SEMA3A: variants seen among roughly 807,000 people sequenced by gnomAD.
SEMA3A encodes semaphorin 3A, also known as semaphorin-3A.
In SEMA3A, 29 loss-of-function variants were observed where a neutral mutation model predicts 97.9. The ratio of observed to expected loss-of-function variants is 0.30; its 90% CI spans 0.22 to 0.40. The LOEUF (loss-of-function observed/expected upper bound fraction) is 0.40, where lower values mean the gene tolerates loss of function less well. Among genes scored for constraint, SEMA3A ranks in the 10% least tolerant of loss-of-function variants. The pLI is 1.00. For synonymous variants in SEMA3A, 321 were observed against 323.7 expected (o/e 0.99, Z 0.09); for missense variants, 763 against 951.3 (o/e 0.80, Z 2.60).
intron 3 of SEMA3A, among the ~76,000 whole-genome samples, chr7:84,290,740 C>G (rs1800721058): frequency 6.6e-6 from 1 of 152,056 alleles, no homozygotes; most frequent in South Asian, 2.1e-4. Context: ...ATGTACTAAA[C>G]TTCAAGTAAA....
chr7:84,044,208 A>G (rs182633013), intron 6 of SEMA3A, among the ~76,000 whole-genome samples: 32 of 152,046 alleles, frequency 2.1e-4, no homozygotes, highest in Admixed American at 1.8e-3. Flanking sequence ...GCCTCTGCAC[A>G]CATCCTAGGT....
chr7:84,238,470 G>A lies in SEMA3A; in HGVS notation c.-82-43802C>T, dbSNP rs1359452886. Among the ~76,000 whole-genome samples, 5 of 152,000 alleles carry A rather than the reference G, an allele frequency of 3.3e-5. No homozygotes were observed. In the East Asian group the frequency reaches 7.7e-4, roughly 23 times the overall value. ...TAATTTTTATTCATGTATTTAAATC[G>A]GCTTCCTCCAAACTTGTGGTTTAAA... On this transcript the variant is annotated intron_variant, in intron 3 of 3. Transcript: ENST00000424555.
At chr7:84,124,729 C>T (rs1795738714) in intron 3 of SEMA3A, among the ~76,000 whole-genome samples, 1 of 151,804 alleles carries the variant, frequency 6.6e-6, no homozygotes, top group Non-Finnish European at 1.5e-5. Context: ...CCCAGGGATC[C>T]ATCCAATAGC....
intron 6 of SEMA3A, among the ~76,000 whole-genome samples, chr7:84,030,787 CTAACA>C (rs1411317049): frequency 1.3e-5 from 2 of 152,136 alleles, no homozygotes; most frequent in Non-Finnish European, 2.9e-5. Context: ...CTTCTCCTAG[CTAACA>C]TATTTAAATT....
chr7:84,418,433 G>T (rs767519306), intron 1 of SEMA3A, among the ~76,000 whole-genome samples: 12 of 151,942 alleles, frequency 7.9e-5, no homozygotes, highest in Non-Finnish European at 1.0e-4. Flanking sequence ...CTCCCACCAG[G>T]TCCCACCCAC....
Position 84,253,789 on chromosome 7 carries a change from C to T in SEMA3A, c.-83+53418G>A, listed in dbSNP as rs542254957. ...AGAGGAAGTTGACACAACTAAGAAT[C>T]TCTGGGCAGCATTAGGACCTGGTTG... is the stretch of plus-strand genomic sequence containing the variant. On this transcript the variant is annotated intron_variant, in intron 3 of 3. Transcript: ENST00000424555. 1.1e-3 allele frequency among the ~76,000 whole-genome samples: 169 copies of T among 152,198 alleles called. 1 individual carries two copies. Among genetic ancestry groups the T allele is most frequent in the African/African-American group, 3.9e-3 (162 of 41,536 alleles).
rs562808557 is a variant in SEMA3A at position 84,047,356 on chromosome 7, A to G, written c.548-913T>C. On this transcript the variant is annotated intron_variant, in intron 5 of 16. Transcript: ENST00000265362. ...AGTCGGCACTGGCTTGACACTTTCA[A>G]GTTATCTCATTTAGTTCTATTAACA... Among the ~76,000 whole-genome samples the G allele has an allele frequency of 2.6e-5, 4 of 152,132 alleles. No homozygotes were observed. The East Asian group carries it at 7.8e-4, about 29-fold the overall frequency.
At chr7:84,296,973 A>ATTTATT (rs1240891054) in intron 3 of SEMA3A, among the ~76,000 whole-genome samples, 2 of 151,856 alleles carry the variant, frequency 1.3e-5, no homozygotes, top group Non-Finnish European at 2.9e-5. Context: ...CTTTTCTGAG[A>ATTTATT]TTTATTTTTA....
chr7:84,276,968 G>A (rs939223156), intron 3 of SEMA3A, among the ~76,000 whole-genome samples: 1 of 151,866 alleles, frequency 6.6e-6, no homozygotes, highest in Non-Finnish European at 1.5e-5. Flanking sequence ...ATGTTTTGTG[G>A]GTAAAGCATT....
At chr7:84,077,180 C>A (rs1401804047) in intron 4 of SEMA3A, among the ~76,000 whole-genome samples, 1 of 151,994 alleles carries the variant, frequency 6.6e-6, no homozygotes, top group Non-Finnish European at 1.5e-5. Flanking sequence ...TAAGCTGAGT[C>A]AGAAAGCAAA....
chr7:84,478,021 T>C (rs560310430), intron 1 of SEMA3A, among the ~76,000 whole-genome samples: 2 of 152,292 alleles, frequency 1.3e-5, no homozygotes, highest in African/African-American at 4.8e-5. Context: ...TGAGGTAACA[T>C]CTTTTTAGAG....
chr7:84,206,878 T>C (rs1798507645), intron 3 of SEMA3A, among the ~76,000 whole-genome samples: 1 of 152,146 alleles, frequency 6.6e-6, no homozygotes, highest in South Asian at 2.1e-4. Flanking sequence ...ATGTTTTGTA[T>C]CATAGCAATT....
chr7:83,965,766 C>T (rs754445394), intron 15 of SEMA3A, among the ~76,000 whole-genome samples: 13 of 139,288 alleles, frequency 9.3e-5, no homozygotes, highest in East Asian at 2.3e-4. Context: ...CTGCAAGCTC[C>T]GCCTCCCGGG....
intron 4 of SEMA3A, among the ~76,000 whole-genome samples, chr7:84,101,319 C>A (rs1293197861): frequency 3.3e-5 from 5 of 152,120 alleles, no homozygotes; most frequent in Non-Finnish European, 7.4e-5. Flanking sequence ...GCTATGACAT[C>A]ATTATCCTCC....
At chr7:84,065,198 A>G (rs1793430534) in intron 4 of SEMA3A, among the ~76,000 whole-genome samples, 1 of 138,356 alleles carries the variant, frequency 7.2e-6, no homozygotes, top group Admixed American at 7.5e-5. Flanking sequence ...GAAGGCAGAA[A>G]TAAAGATGTT....
intron 1 of SEMA3A, among the ~76,000 whole-genome samples, chr7:84,416,183 G>A (rs1248128726): frequency 6.6e-6 from 1 of 152,108 alleles, no homozygotes; most frequent in African/African-American, 2.4e-5. Flanking sequence ...GAGGAACACA[G>A]TGGGAGGTAA....
At chr7:84,451,114 T>C (rs555312300) in intron 1 of SEMA3A, among the ~76,000 whole-genome samples, 2 of 152,332 alleles carry the variant, frequency 1.3e-5, no homozygotes, top group Admixed American at 1.3e-4. Flanking sequence ...CCTTATGTTT[T>C]CCTCTAGGAG....
At chr7:84,362,125 C>A (rs756513712) in intron 2 of SEMA3A, among the ~76,000 whole-genome samples, 18 of 151,760 alleles carry the variant, frequency 1.2e-4, no homozygotes, top group Non-Finnish European at 1.9e-4. Flanking sequence ...AATTGGATGA[C>A]CTTGGCCAGT....
In SEMA3A at chr7:84,162,592, TA is replaced by T. The variant is rs201883744; in HGVS notation, c.113-27642del. On this transcript the variant is annotated intron_variant, in intron 1 of 16. Transcript: ENST00000265362. The stretch of plus-strand genomic sequence containing the variant: ...TTGGCTCATATCCTCAATTTTTTTT[TA>T]AAAAAAAATAGATATGATTTGCTTA... Among the ~76,000 whole-genome samples the T allele has an allele frequency of 4.0e-5, 6 of 150,852 alleles. No individual in the cohort carries two copies. The South Asian group carries it at 6.3e-4, about 16-fold the overall frequency.
Sources: gnomAD v4.1 joint callset for allele counts (sites outside exome capture counted in the v4.1 genomes callset) on GRCh38, gnomAD v4.1.1 for gene constraint, MANE v1.5 for transcripts, NCBI Gene and HGNC (gene_info 2026-07-23, HGNC 2026-07-21) for gene names.